CAMK1D: variants seen among roughly 807,000 people sequenced by gnomAD.
The protein encoded by CAMK1D is calcium/calmodulin dependent protein kinase ID.
CAMK1D carries 9 observed loss-of-function variants against 47.7 expected under a neutral mutation model. That is an observed-to-expected ratio of 0.19 (90% CI 0.11 to 0.33). The LOEUF is 0.33. Ranked by LOEUF, CAMK1D falls within the 10% of genes least tolerant of loss-of-function variation. CAMK1D has a pLI of 1.00. For synonymous variants in CAMK1D, 184 were observed against 184.9 expected (o/e 0.99, Z 0.04); for missense variants, 291 against 488.7 (o/e 0.60, Z 3.81).
In CAMK1D at chr10:12,561,540, C is replaced by A. The variant is rs574881992; in HGVS notation, c.224+8184C>A. 8.5e-5 allele frequency among the ~76,000 whole-genome samples: 13 copies of A among 152,228 alleles called. No individual in the cohort carries two copies. The South Asian group carries it at 2.5e-3, about 29-fold the overall frequency. On this transcript the variant is annotated intron_variant, in intron 2 of 10. Transcript: ENST00000619168. The stretch of plus-strand genomic sequence containing the variant: ...TGCTGCATACCTACACTTTCGTATT[C>A]TGGGAGCTGTGCTGAACTTTCCCCT...
At chr10:12,639,311 C>T (rs1043050158) in intron 2 of CAMK1D, among the ~76,000 whole-genome samples, 2 of 152,114 alleles carry the variant, frequency 1.3e-5, no homozygotes, top group African/African-American at 4.8e-5. Context: ...ATGGTGAAAC[C>T]CTGTGTCTAC....
chr10:12,705,182 T>G (rs913003397), intron 3 of CAMK1D, among the ~76,000 whole-genome samples: 3 of 152,106 alleles, frequency 2.0e-5, no homozygotes, highest in Admixed American at 1.3e-4. Flanking sequence ...AATAATAGGC[T>G]GGGCACGGTG....
intron 2 of CAMK1D, among the ~76,000 whole-genome samples, chr10:12,655,565 T>G: frequency 6.6e-6 from 1 of 152,246 alleles, no homozygotes; most frequent in Non-Finnish European, 1.5e-5. Flanking sequence ...AGGTGAGAAT[T>G]AATTGTTCAT....
chr10:12,354,998 T>G (rs995270999), intron 1 of CAMK1D, among the ~76,000 whole-genome samples: 2 of 151,956 alleles, frequency 1.3e-5, no homozygotes, highest in Non-Finnish European at 2.9e-5. Context: ...TGCACCACCA[T>G]GCCTGGCTAA....
At chr10:12,793,876 G>A (rs1306071693) in intron 6 of CAMK1D, among the ~76,000 whole-genome samples, 1 of 152,252 alleles carries the variant, frequency 6.6e-6, no homozygotes, top group African/African-American at 2.4e-5. Flanking sequence ...ATGTTGGAAA[G>A]AGGGCCAGCA....
chr10:12,805,434 G>A (rs117038160), intron 6 of CAMK1D, among the ~76,000 whole-genome samples: 3,222 of 144,208 alleles, frequency 0.022, 68 homozygotes, highest in East Asian at 0.11. Flanking sequence ...TGCAGTGCGC[G>A]ATCTCAGCTC....
chr10:12,696,704 A>G (rs572853558), intron 3 of CAMK1D, among the ~76,000 whole-genome samples: 70 of 152,354 alleles, frequency 4.6e-4, no homozygotes, highest in African/African-American at 1.6e-3. Context: ...TCTACCTGCA[A>G]TTCTTGATGT....
intron 3 of CAMK1D, among the ~76,000 whole-genome samples, chr10:12,745,510 G>A (rs191629744): frequency 6.6e-6 from 1 of 152,112 alleles, no homozygotes; most frequent in African/African-American, 2.4e-5. Context: ...CTCTATCTAA[G>A]GTCACTTACA....
At chr10:12,404,200 C>T (rs1437444311) in intron 1 of CAMK1D, among the ~76,000 whole-genome samples, 4 of 152,050 alleles carry the variant, frequency 2.6e-5, no homozygotes, top group Non-Finnish European at 4.4e-5. Context: ...TGTCCGCCAC[C>T]GCGCCCAGCT....
intron 1 of CAMK1D, among the ~76,000 whole-genome samples, chr10:12,402,109 G>A (rs531808726): frequency 6.6e-6 from 1 of 151,586 alleles, no homozygotes; most frequent in Admixed American, 6.6e-5. Flanking sequence ...TCGCTCTGTC[G>A]CCTTGTGTTT....
intron 6 of CAMK1D, among the ~76,000 whole-genome samples, chr10:12,803,262 G>C (rs1838563151): frequency 6.6e-6 from 1 of 152,240 alleles, no homozygotes; most frequent in Non-Finnish European, 1.5e-5. Flanking sequence ...TTGTAGAAAA[G>C]TAAATGTTCC....
chr10:12,823,619 G>C (rs1388084595), intron 8 of CAMK1D, among the ~76,000 whole-genome samples: 1 of 151,806 alleles, frequency 6.6e-6, no homozygotes, highest in African/African-American at 2.4e-5. Flanking sequence ...GTGGGATGGA[G>C]GGTACTGTCA....
chr10:12,666,210 G>C (rs1840425169), intron 2 of CAMK1D, among the ~76,000 whole-genome samples: 1 of 152,040 alleles, frequency 6.6e-6, no homozygotes, highest in Non-Finnish European at 1.5e-5. Flanking sequence ...GAGGGAGTCA[G>C]GTTGGTTTTT....
intron 1 of CAMK1D, among the ~76,000 whole-genome samples, chr10:12,535,842 A>G (rs556596223): frequency 7.9e-5 from 12 of 152,292 alleles, no homozygotes; most frequent in Admixed American, 1.3e-4. Context: ...TAGAATTTCC[A>G]TCTTCTCATT....
intron 1 of CAMK1D, among the ~76,000 whole-genome samples, chr10:12,549,263 C>A (rs191320214): frequency 6.6e-6 from 1 of 152,236 alleles, no homozygotes; most frequent in African/African-American, 2.4e-5. Context: ...CTTTCTTTCT[C>A]TATGAATTTG....
chr10:12,787,724 G>A (rs367755981), intron 5 of CAMK1D, among the ~76,000 whole-genome samples: 108 of 152,342 alleles, frequency 7.1e-4, no homozygotes, highest in African/African-American at 1.3e-3. Context: ...ACCAGAGGCC[G>A]GGCGCGGTGG....
At chr10:12,618,730 A>T (rs1190283458) in intron 2 of CAMK1D, among the ~76,000 whole-genome samples, 1 of 152,104 alleles carries the variant, frequency 6.6e-6, no homozygotes, top group East Asian at 1.9e-4. Flanking sequence ...AAAAAAAGAG[A>T]CTCTTCTCAA....
intron 1 of CAMK1D, among the ~76,000 whole-genome samples, chr10:12,550,169 A>C (rs1836531520): frequency 6.6e-6 from 1 of 152,164 alleles, no homozygotes; most frequent in South Asian, 2.1e-4. Flanking sequence ...CTTCTGGAAG[A>C]TGGACTTAGT....
At chr10:12,451,995 A>G (rs1161896621) in intron 1 of CAMK1D, among the ~76,000 whole-genome samples, 4 of 152,306 alleles carry the variant, frequency 2.6e-5, no homozygotes, top group Admixed American at 6.5e-5. Flanking sequence ...CAAGTGGCCA[A>G]TAGCCCCTTA....
Sources: gnomAD v4.1 joint callset for allele counts (sites outside exome capture counted in the v4.1 genomes callset) on GRCh38, gnomAD v4.1.1 for gene constraint, MANE v1.5 for transcripts, NCBI Gene and HGNC (gene_info 2026-07-23, HGNC 2026-07-21) for gene names.